NXPE2: variants seen among roughly 807,000 people sequenced by gnomAD.
NXPE2 encodes NXPE family member 2.
Under a neutral mutation model 34.4 loss-of-function variants are expected in NXPE2, and 34 were observed. The ratio of observed to expected loss-of-function variants is 0.99; its 90% confidence interval spans 0.75 to 1.31. The LOEUF (loss-of-function observed/expected upper bound fraction) is 1.31, where lower values mean the gene tolerates loss of function less well. NXPE2 is among the 40% of genes most tolerant of loss of function. The pLI is 0.00. For synonymous variants in NXPE2, 235 were observed against 231.3 expected (o/e 1.02, Z -0.15); for missense variants, 649 against 672.5 (o/e 0.97, Z 0.39).
At chr11:114,632,187 A>G in the NXPE2 span, among the ~76,000 whole-genome samples, 11 of 142,380 alleles carry the variant, frequency 7.7e-5, no homozygotes, top group Non-Finnish European at 1.1e-4. Flanking sequence ...ATAATAAATA[A>G]ATGATCATAT....
chr11:114,556,701 T>A, the NXPE2 span, among the ~76,000 whole-genome samples: 1 of 151,982 alleles, frequency 6.6e-6, no homozygotes, highest in African/African-American at 2.4e-5. Flanking sequence ...TAAAATGTAT[T>A]TTTTTCCAGA....
chr11:114,499,871 G>A, the NXPE2 span, among the ~76,000 whole-genome samples: 6 of 151,908 alleles, frequency 3.9e-5, no homozygotes, highest in African/African-American at 1.4e-4. Flanking sequence ...CTTACAGTAT[G>A]TGCTCTTTTG....
chr11:114,467,948 G>GAAACAAAA, the NXPE2 span, among the ~76,000 whole-genome samples: 1 of 151,190 alleles, frequency 6.6e-6, no homozygotes, highest in African/African-American at 2.4e-5. Context: ...AAAACAAAAC[G>GAAACAAAA]AAACAAAAAA....
In NXPE2 at chr11:114,706,937, A is replaced by G. The variant is rs978582618; in HGVS notation, c.*7A>G. 5.5e-5 allele frequency: 85 copies of G among 1,533,450 alleles called. No individual in the cohort carries two copies. Among genetic ancestry groups the G allele is most frequent in the Non-Finnish European group, 7.1e-5 (81 of 1,135,984 alleles). 95.0% of individuals were successfully genotyped at this position (1,533,450 alleles called of 1,614,324 possible). On this transcript the variant is annotated 3_prime_UTR_variant, in exon 6 of 6. Transcript: ENST00000389586. Reference sequence around the variant, plus strand: ...CTTAAACTACATTTGTTAGAGGAAAAATACAAAAATAGCACTAGCCACTTT... The same window carrying G: ...CTTAAACTACATTTGTTAGAGGAAAGATACAAAAATAGCACTAGCCACTTT...
intron 4 of NXPE2, 119 bp downstream of exon 4, chr11:114,704,171 C>A: frequency 1.4e-6 from 1 of 719,340 alleles, no homozygotes; most frequent in Non-Finnish European, 2.3e-6. Context: ...GGACAAATTA[C>A]ATCAACCACC....
chr11:114,710,309 G>C (rs909588831), downstream of NXPE2, among the ~76,000 whole-genome samples: 1 of 152,086 alleles, frequency 6.6e-6, no homozygotes, highest in Admixed American at 6.5e-5. Flanking sequence ...AAAAAACTAA[G>C]AGTTGGTTTT....
chr11:114,754,701 G>A, the NXPE2 span, among the ~76,000 whole-genome samples: 1 of 150,748 alleles, frequency 6.6e-6, no homozygotes, highest in East Asian at 1.9e-4. Flanking sequence ...ATGCCAGGGA[G>A]TGAGAGCTCC....
the NXPE2 span, among the ~76,000 whole-genome samples, chr11:114,776,181 A>G: frequency 6.6e-6 from 1 of 152,298 alleles, no homozygotes; most frequent in African/African-American, 2.4e-5. Flanking sequence ...AGCCTCAGGG[A>G]TTATGGGGAG....
chr11:114,584,966 C>G, the NXPE2 span, among the ~76,000 whole-genome samples: 1 of 152,004 alleles, frequency 6.6e-6, no homozygotes, highest in African/African-American at 2.4e-5. Flanking sequence ...TACTTTTGTG[C>G]AAACAGAAGA....
the NXPE2 span, among the ~76,000 whole-genome samples, chr11:114,786,358 C>CCG: frequency 1.6e-5 from 2 of 122,118 alleles, no homozygotes; most frequent in African/African-American, 3.0e-5. Flanking sequence ...TCTTTCTACC[C>CCG]CCGCCCCCCG....
the NXPE2 span, among the ~76,000 whole-genome samples, chr11:114,773,288 C>CCCCCCCCCCCCCCCCCCG: frequency 4.2e-5 from 4 of 95,870 alleles, no homozygotes; most frequent in Non-Finnish European, 4.4e-5. Context: ...CACCCCCCCC[C>CCCCCCCCCCCCCCCCCCG]CACCCCATTC....
At chr11:114,748,238 C>A in the NXPE2 span, among the ~76,000 whole-genome samples, 2 of 152,036 alleles carry the variant, frequency 1.3e-5, no homozygotes, top group Admixed American at 6.6e-5. Context: ...GTTTATTTTT[C>A]CTGAGATGTT....
chr11:114,714,457 C>T, the NXPE2 span, among the ~76,000 whole-genome samples: 1 of 152,164 alleles, frequency 6.6e-6, no homozygotes, highest in Non-Finnish European at 1.5e-5. Context: ...AAATCTACCT[C>T]AAAGTAGCCT....
At chr11:114,470,937 C>T in the NXPE2 span, among the ~76,000 whole-genome samples, 20 of 152,156 alleles carry the variant, frequency 1.3e-4, no homozygotes, top group African/African-American at 4.8e-4. Flanking sequence ...TGACCAAAAA[C>T]CGAGTACAAT....
intron 3 of NXPE2, among the ~76,000 whole-genome samples, chr11:114,702,492 A>G (rs187730692): frequency 2.6e-5 from 4 of 152,244 alleles, no homozygotes; most frequent in African/African-American, 9.6e-5. Flanking sequence ...AATAGGTCTG[A>G]TGGGATCCTC....
chr11:114,720,682 T>C, the NXPE2 span, among the ~76,000 whole-genome samples: 1 of 152,254 alleles, frequency 6.6e-6, no homozygotes, highest in Non-Finnish European at 1.5e-5. Context: ...TGATGATGTG[T>C]TGAAATGATT....
chr11:114,785,553 G>A, the NXPE2 span, among the ~76,000 whole-genome samples: 1 of 152,126 alleles, frequency 6.6e-6, no homozygotes, highest in African/African-American at 2.4e-5. Context: ...TCTATGGTGT[G>A]TGTCTTTAGC....
At chr11:114,579,866 G>GT in the NXPE2 span, among the ~76,000 whole-genome samples, 1 of 152,164 alleles carries the variant, frequency 6.6e-6, no homozygotes, top group African/African-American at 2.4e-5. Context: ...TCCATCAATA[G>GT]TTTTTGGAGC....
the NXPE2 span, among the ~76,000 whole-genome samples, chr11:114,610,076 C>A: frequency 2.0e-5 from 3 of 151,706 alleles, no homozygotes; most frequent in Non-Finnish European, 4.4e-5. Context: ...TCATGGGTAA[C>A]CACTGTTAAC....
Sources: gnomAD v4.1 joint callset for allele counts (sites outside exome capture counted in the v4.1 genomes callset) on GRCh38, gnomAD v4.1.1 for gene constraint, MANE v1.5 for transcripts, NCBI Gene and HGNC (gene_info 2026-07-23, HGNC 2026-07-21) for gene names.